LHFPL3: variants seen among roughly 807,000 people sequenced by gnomAD.
LHFPL3 encodes the protein LHFPL tetraspan subfamily member 3, also known as LHFPL tetraspan subfamily member 3 protein.
Under a neutral mutation model 19.3 loss-of-function variants are expected in LHFPL3, and 5 were observed. That is an observed-to-expected ratio of 0.26 (90% confidence interval 0.14 to 0.54). The LOEUF is 0.54. LHFPL3 is among the 20% of genes least tolerant of loss of function. LHFPL3 has a pLI of 0.94. For missense variants in LHFPL3, 249 were observed against 307.4 expected, an observed-to-expected ratio of 0.81 and a Z score of 1.42; for synonymous variants, 133 against 126.2, an observed-to-expected ratio of 1.05 and a Z score of -0.36.
chr7:104,514,402 A>G (rs28253), intron 1 of LHFPL3, among the ~76,000 whole-genome samples: 54,162 of 151,996 alleles, frequency 0.36, 10,114 homozygotes, highest in Middle Eastern at 0.42. Flanking sequence ...TGGACTATAA[A>G]CTCCACGAGG....
chr7:104,626,691 C>T (rs371297499), intron 1 of LHFPL3, among the ~76,000 whole-genome samples: 2 of 152,162 alleles, frequency 1.3e-5, no homozygotes, highest in East Asian at 3.9e-4. Flanking sequence ...GATAGAACCT[C>T]TGCAGGAGGA....
rs1321404357 is a variant in LHFPL3 at position 104,329,317 on chromosome 7, C to A, written c.445+93C>A. ...TGGGAGGGACGGGGGCTGTGCGCGC[C>A]GCTGCGAGCCAAGCCGCCTAATCCG... On this transcript the variant is annotated intron_variant, in intron 1 of 2. Coordinates refer to ENST00000424859, the MANE Select transcript of LHFPL3 (RefSeq NM_199000.3). 6.2e-6 allele frequency: 9 copies of A among 1,450,524 alleles called. No individual in the cohort carries two copies. The African/African-American group carries it at 8.5e-5, about 14-fold the overall frequency. 89.9% of individuals were successfully genotyped at this position (1,450,524 alleles called of 1,614,324 possible).
intron 2 of LHFPL3, among the ~76,000 whole-genome samples, chr7:104,863,273 GA>G (rs1172842707): frequency 6.6e-6 from 1 of 152,128 alleles, no homozygotes; most frequent in Non-Finnish European, 1.5e-5. Context: ...CCTCCTACTG[GA>G]GACTCACTAT....
At chr7:104,446,092 C>T (rs1792325620) in intron 1 of LHFPL3, among the ~76,000 whole-genome samples, 1 of 152,096 alleles carries the variant, frequency 6.6e-6, no homozygotes, top group African/African-American at 2.4e-5. Flanking sequence ...CCTTCTAGGT[C>T]AGTTTCTATG....
intron 1 of LHFPL3, among the ~76,000 whole-genome samples, chr7:104,499,148 T>A (rs1451314913): frequency 2.0e-5 from 3 of 152,202 alleles, no homozygotes; most frequent in Non-Finnish European, 2.9e-5. Context: ...AATGGTGTCA[T>A]CTTAACTACC....
At chr7:104,472,176 C>CA (rs36086761) in intron 1 of LHFPL3, among the ~76,000 whole-genome samples, 42,679 of 134,336 alleles carry the variant, frequency 0.32, 6,601 homozygotes, top group Middle Eastern at 0.41. Flanking sequence ...GACCCTATCT[C>CA]AAAAAAAAAA....
chr7:104,342,373 G>A (rs996700728), intron 1 of LHFPL3, among the ~76,000 whole-genome samples: 2 of 152,130 alleles, frequency 1.3e-5, no homozygotes, highest in African/African-American at 4.8e-5. Flanking sequence ...TAAAAATAAT[G>A]TTTAAGATAA....
intron 1 of LHFPL3, among the ~76,000 whole-genome samples, chr7:104,603,128 T>TTCTTTCTTTCTTTCTTTC (rs1562947522): frequency 2.2e-5 from 3 of 136,260 alleles, no homozygotes; most frequent in African/African-American, 8.5e-5. Flanking sequence ...CTTTCTTTCT[T>TTCTTTCTTTCTTTCTTTC]TCTTTTTTCC....
intron 1 of LHFPL3, among the ~76,000 whole-genome samples, chr7:104,366,978 A>G (rs539712272): frequency 6.6e-6 from 1 of 152,316 alleles, no homozygotes; most frequent in South Asian, 2.1e-4. Flanking sequence ...ATGGTTGTTA[A>G]TTATATAGTT....
intron 2 of LHFPL3, among the ~76,000 whole-genome samples, chr7:104,801,471 GA>G (rs1368741265): frequency 7.2e-5 from 11 of 152,226 alleles, no homozygotes; most frequent in Admixed American, 4.6e-4. Flanking sequence ...GTGTTAACCT[GA>G]AAGGAACTAT....
At chr7:104,440,560 T>C (rs1232048504) in intron 1 of LHFPL3, among the ~76,000 whole-genome samples, 1 of 151,992 alleles carries the variant, frequency 6.6e-6, no homozygotes, top group African/African-American at 2.4e-5. Flanking sequence ...ACTTAAAGTA[T>C]AATAAAACAT....
chr7:104,841,406 T>C (rs1791201136), intron 2 of LHFPL3, among the ~76,000 whole-genome samples: 2 of 145,086 alleles, frequency 1.4e-5, no homozygotes, highest in African/African-American at 5.2e-5. Flanking sequence ...GATAAGGACA[T>C]TGCATCCTCG....
intron 1 of LHFPL3, among the ~76,000 whole-genome samples, chr7:104,519,777 C>T (rs1440540139): frequency 6.6e-6 from 1 of 152,112 alleles, no homozygotes; most frequent in Non-Finnish European, 1.5e-5. Flanking sequence ...AACAAGCCAG[C>T]TGTGTACAAA....
chr7:104,351,266 G>T (rs73193628), intron 1 of LHFPL3, among the ~76,000 whole-genome samples: 41 of 152,186 alleles, frequency 2.7e-4, no homozygotes, highest in Non-Finnish European at 5.3e-4. Context: ...TATCTATTTA[G>T]GCTTCTTCAC....
chr7:104,505,962 A>C (rs1381561161), intron 1 of LHFPL3, among the ~76,000 whole-genome samples: 1 of 152,210 alleles, frequency 6.6e-6, no homozygotes, highest in African/African-American at 2.4e-5. Context: ...CACATAATAC[A>C]TAGGCATTTC....
intron 1 of LHFPL3, among the ~76,000 whole-genome samples, chr7:104,408,830 G>C (rs1584299464): frequency 6.6e-6 from 1 of 151,376 alleles, no homozygotes; most frequent in Non-Finnish European, 1.5e-5. Flanking sequence ...AGGGGCAGAG[G>C]AAGAGTGGAG....
At chr7:104,880,973 T>A (rs149751329) in intron 2 of LHFPL3, among the ~76,000 whole-genome samples, 2,196 of 152,094 alleles carry the variant, frequency 0.014, 24 homozygotes, top group Non-Finnish European at 0.021. Context: ...GATCAAGACC[T>A]TCCTGGCTAA....
At chr7:104,357,255 C>A (rs1180166016) in intron 1 of LHFPL3, among the ~76,000 whole-genome samples, 1 of 152,060 alleles carries the variant, frequency 6.6e-6, no homozygotes, top group Admixed American at 6.6e-5. Context: ...TGAAGATAAC[C>A]CAGATTATTC....
chr7:104,350,866 C>G (rs934163928), intron 1 of LHFPL3, among the ~76,000 whole-genome samples: 1 of 151,960 alleles, frequency 6.6e-6, no homozygotes, highest in South Asian at 2.1e-4. Context: ...ATGGTGAAAC[C>G]CCGTCTATAC....
Sources: allele counts gnomAD v4.1 joint callset (sites outside exome capture counted in the v4.1 genomes callset), GRCh38; gene constraint gnomAD v4.1.1; transcripts MANE v1.5; gene names NCBI Gene and HGNC (gene_info 2026-07-23, HGNC 2026-07-21).